SLC14A2: variants seen among roughly 807,000 people sequenced by gnomAD.
SLC14A2 encodes solute carrier family 14 member 2.
SLC14A2 carries 91 observed loss-of-function variants against 104.6 expected under a neutral mutation model. That is an observed-to-expected ratio of 0.87 (90% confidence interval 0.73 to 1.04). SLC14A2 has a LOEUF of 1.04. SLC14A2 is among the 50% of genes least tolerant of loss of function. The pLI is 0.00. For missense variants in SLC14A2, 1,189 were observed against 1,156.0 expected, an observed-to-expected ratio of 1.03 and a Z score of -0.41; for synonymous variants, 476 against 466.4, an observed-to-expected ratio of 1.02 and a Z score of -0.27.
At chr18:45,193,008 C>T in the SLC14A2 span, among the ~76,000 whole-genome samples, 12 of 152,080 alleles carry the variant, frequency 7.9e-5, no homozygotes, top group African/African-American at 2.2e-4. Flanking sequence ...TAATGATTAT[C>T]TTGTCATATA....
At chr18:45,532,881 T>C (rs2043718517) in intron 2 of SLC14A2, among the ~76,000 whole-genome samples, 1 of 152,202 alleles carries the variant, frequency 6.6e-6, no homozygotes, top group Non-Finnish European at 1.5e-5. Context: ...CATCAATACC[T>C]AATTTATTGA....
chr18:45,506,006 G>A (rs1251280383), intron 2 of SLC14A2, among the ~76,000 whole-genome samples: 3 of 152,194 alleles, frequency 2.0e-5, no homozygotes, highest in African/African-American at 2.4e-5. Flanking sequence ...AAGATGTTCT[G>A]AGGGAGGGAG....
chr18:45,310,238 G>A (rs191216509), intron 1 of SLC14A2, among the ~76,000 whole-genome samples: 1 of 152,246 alleles, frequency 6.6e-6, no homozygotes, highest in East Asian at 1.9e-4. Flanking sequence ...TAAGGTATGT[G>A]GATCTTCAAC....
intron 1 of SLC14A2, among the ~76,000 whole-genome samples, chr18:45,404,761 G>T (rs2086135076): frequency 2.0e-5 from 3 of 152,196 alleles, no homozygotes; most frequent in African/African-American, 7.2e-5. Flanking sequence ...TCCTTGGGAA[G>T]GTCACTTTCC....
intron 2 of SLC14A2, among the ~76,000 whole-genome samples, 179 bp from the exon 3 acceptor site, chr18:45,625,504 C>T (rs2045242956): frequency 6.6e-6 from 1 of 152,144 alleles, no homozygotes; most frequent in African/African-American, 2.4e-5. Context: ...GTGCATGGTC[C>T]TGGGAAGAAC....
chr18:45,367,748 G>T (rs1013655912), intron 1 of SLC14A2, among the ~76,000 whole-genome samples: 2 of 151,430 alleles, frequency 1.3e-5, no homozygotes, highest in Admixed American at 6.6e-5. Flanking sequence ...TCAAATTTTT[G>T]TTGTTGTTGT....
chr18:45,407,988 G>A (rs2086174692), intron 1 of SLC14A2, among the ~76,000 whole-genome samples: 1 of 152,164 alleles, frequency 6.6e-6, no homozygotes, highest in African/African-American at 2.4e-5. Context: ...GTGAGTGCAT[G>A]CTGTTGGAAA....
At chr18:45,644,635 A>G (rs1761995646) in intron 10 of SLC14A2, among the ~76,000 whole-genome samples, 1 of 152,148 alleles carries the variant, frequency 6.6e-6, no homozygotes, top group Non-Finnish European at 1.5e-5. Context: ...AATGACCACA[A>G]AGAGAGGAAT....
the SLC14A2 span, among the ~76,000 whole-genome samples, chr18:45,194,643 A>ATTTTTTTT: frequency 9.2e-6 from 1 of 108,830 alleles, no homozygotes; most frequent in Non-Finnish European, 1.8e-5. Flanking sequence ...TTGGTCTGTA[A>ATTTTTTTT]TTTTTTTTTT....
At chr18:45,187,933 T>C in the SLC14A2 span, among the ~76,000 whole-genome samples, 32 of 152,072 alleles carry the variant, frequency 2.1e-4, no homozygotes, top group African/African-American at 7.5e-4. Flanking sequence ...GTCCATGAAA[T>C]AGTAGGTTCC....
At chr18:45,280,541 C>T (rs1369690496) in intron 1 of SLC14A2, among the ~76,000 whole-genome samples, 9 of 152,046 alleles carry the variant, frequency 5.9e-5, no homozygotes, top group Admixed American at 5.9e-4. Flanking sequence ...CATTTTGATA[C>T]CAGTCCAGGC....
intron 1 of SLC14A2, among the ~76,000 whole-genome samples, chr18:45,249,157 A>G (rs1023933987): frequency 2.6e-5 from 4 of 152,196 alleles, no homozygotes; most frequent in African/African-American, 9.7e-5. Flanking sequence ...CGATAACTCC[A>G]TTTATAAGCG....
intron 2 of SLC14A2, among the ~76,000 whole-genome samples, chr18:45,510,020 C>T (rs1280715871): frequency 6.6e-6 from 1 of 152,140 alleles, no homozygotes; most frequent in Non-Finnish European, 1.5e-5. Context: ...CAGAGCCAAG[C>T]CCCAAACATT....
At chr18:45,439,444 A>ATT (rs60235515) in intron 1 of SLC14A2, among the ~76,000 whole-genome samples, 2 of 150,846 alleles carry the variant, frequency 1.3e-5, no homozygotes, top group African/African-American at 4.9e-5. Context: ...ATATATTCTG[A>ATT]TTTTTTTTTT....
intron 1 of SLC14A2, among the ~76,000 whole-genome samples, chr18:45,370,600 A>G (rs1425487260): frequency 2.0e-5 from 3 of 152,128 alleles, no homozygotes; most frequent in South Asian, 2.1e-4. Context: ...CCACTGAGAA[A>G]ATTTTTGCAG....
intron 1 of SLC14A2, among the ~76,000 whole-genome samples, chr18:45,452,918 C>T (rs1451069954): frequency 1.3e-5 from 2 of 152,200 alleles, no homozygotes; most frequent in East Asian, 3.9e-4. Context: ...TATCTTTCTC[C>T]TTTGTAGTGC....
chr18:45,289,580 C>A (rs2084849127), intron 1 of SLC14A2, among the ~76,000 whole-genome samples: 1 of 152,184 alleles, frequency 6.6e-6, no homozygotes, highest in South Asian at 2.1e-4. Context: ...AGGAGTCTTG[C>A]TTTAGGTGCA....
At chr18:45,425,449 A>G (rs1462000780) in intron 1 of SLC14A2, among the ~76,000 whole-genome samples, 1 of 152,184 alleles carries the variant, frequency 6.6e-6, no homozygotes, top group Non-Finnish European at 1.5e-5. Context: ...ATGATTCTGC[A>G]TGCTCCTCCA....
At chr18:45,308,632 C>T (rs749839990) in intron 1 of SLC14A2, among the ~76,000 whole-genome samples, 1 of 152,192 alleles carries the variant, frequency 6.6e-6, no homozygotes, top group South Asian at 2.1e-4. Flanking sequence ...GGAGGTGATT[C>T]TCCTTGGAGC....
Sources: gnomAD v4.1 joint callset for allele counts (sites outside exome capture counted in the v4.1 genomes callset) on GRCh38, gnomAD v4.1.1 for gene constraint, MANE v1.5 for transcripts, NCBI Gene and HGNC (gene_info 2026-07-23, HGNC 2026-07-21) for gene names.